The following ADGRA3 variants were observed in gnomAD, a reference collection of about 807,000 sequenced individuals.
ADGRA3 encodes adhesion G protein-coupled receptor A3, also known as G-protein coupled receptor 125.
A neutral mutation model predicts 119.8 loss-of-function variants in ADGRA3; 56 were observed. That is an observed-to-expected ratio of 0.47 (90% CI 0.38 to 0.58). The LOEUF is 0.58. ADGRA3 is among the 20% of genes least tolerant of loss of function. The pLI is 0.00. For synonymous variants in ADGRA3, 607 were observed against 623.8 expected (o/e 0.97, Z 0.40); for missense variants, 1,516 against 1,649.0 (o/e 0.92, Z 1.40).
At chr4:22,459,483 A>AG (rs1435673718) in intron 3 of ADGRA3, among the ~76,000 whole-genome samples, 1 of 152,122 alleles carries the variant, frequency 6.6e-6, no homozygotes, top group Non-Finnish European at 1.5e-5. Context: ...AAAAAAAAAA[A>AG]TAAAGAAATA....
Position 22,388,896 on chromosome 4 carries a change from G to A in ADGRA3, c.2775C>T (p.Ser925=), listed in dbSNP as rs1713974062. The change falls in exon 19 of 19, where the codon AGC becomes AGT. Residue 925 remains serine (S), a synonymous_variant. Transcript: ENST00000334304. ...PSLGAFYGPA[S]FITFVNCMYF... is the part of the protein sequence containing the mutation. ...ACATGCAGTTTACAAAAGTGATGAA[G>A]CTGGCTGGCCCATAGAAGGCTCCCA... 6.2e-7 allele frequency: 1 copy of A among 1,614,102 alleles called. No homozygotes were observed. The highest frequency in any genetic ancestry group is 8.5e-7 in the Non-Finnish European group (1 of 1,179,974).
At chr4:22,448,605 G>A (rs182208389) in intron 4 of ADGRA3, among the ~76,000 whole-genome samples, 1 of 152,176 alleles carries the variant, frequency 6.6e-6, no homozygotes, top group Non-Finnish European at 1.5e-5. Context: ...AGTGGAGTTG[G>A]AGAAGAGAAC....
At chr4:22,472,427 T>C (rs1490423974) in intron 2 of ADGRA3, among the ~76,000 whole-genome samples, 1 of 152,104 alleles carries the variant, frequency 6.6e-6, no homozygotes, top group African/African-American at 2.4e-5. Flanking sequence ...AAGCCAAGGG[T>C]GTGATCAGCA....
intron 11 of ADGRA3, among the ~76,000 whole-genome samples, chr4:22,421,730 A>T (rs1251436878): frequency 1.3e-5 from 2 of 151,988 alleles, no homozygotes; most frequent in African/African-American, 4.8e-5. Flanking sequence ...AATACAAAAA[A>T]TTAGCCTGGC....
At chr4:22,396,166 T>A (rs2108999211) in intron 16 of ADGRA3, among the ~76,000 whole-genome samples, 1 of 152,236 alleles carries the variant, frequency 6.6e-6, no homozygotes, top group Middle Eastern at 3.4e-3. Flanking sequence ...ACTTCGTCAC[T>A]CAACTTCTTA....
chr4:22,482,247 T>C (rs186872304), intron 1 of ADGRA3, among the ~76,000 whole-genome samples: 1 of 152,238 alleles, frequency 6.6e-6, no homozygotes, highest in East Asian at 1.9e-4. Flanking sequence ...ATACATAAAG[T>C]ATAAAAATCT....
chr4:22,439,673 T>G (rs185937591), intron 7 of ADGRA3, among the ~76,000 whole-genome samples: 212 of 152,326 alleles, frequency 1.4e-3, no homozygotes, highest in African/African-American at 4.9e-3. Flanking sequence ...TAATTAATAT[T>G]TTTAAAATAG....
At position 22,387,840 on chromosome 4, in the gene ADGRA3, C is replaced by T; in HGVS notation, c.3831G>A (p.Gln1277=). ...CCAAGTTGAGGCCATAAGATTTTTGCTGATTTTCAAGTTCAACCACAGCTG... is the reference window on the plus strand; with the variant it reads ...CCAAGTTGAGGCCATAAGATTTTTGTTGATTTTCAAGTTCAACCACAGCTG... ...RKPAVVELEN[Q]QKSYGLNLAI... The change falls in exon 19 of 19, where the codon CAG becomes CAA. Residue 1277 remains glutamine (Q), a synonymous_variant. Coordinates refer to ENST00000334304, the MANE Select transcript of ADGRA3 (RefSeq NM_145290.4). 6.2e-7 allele frequency: 1 copy of T among 1,614,110 alleles called. No homozygotes were observed. Among genetic ancestry groups the T allele is most frequent in the African/African-American group, 1.3e-5 (1 of 75,038 alleles).
chr4:22,420,614 G>C (rs1264457814), intron 12 of ADGRA3: 3 of 523,970 alleles, frequency 5.7e-6, no homozygotes, highest in Non-Finnish European at 1.0e-5. Flanking sequence ...TGTAACAATA[G>C]TATATTTGCA....
intron 3 of ADGRA3, among the ~76,000 whole-genome samples, chr4:22,458,619 C>CTGA (rs1271775236): frequency 6.6e-6 from 1 of 152,124 alleles, no homozygotes; most frequent in Non-Finnish European, 1.5e-5. Context: ...TGACACCGAT[C>CTGA]ACCACCTTAT....
intron 10 of ADGRA3, among the ~76,000 whole-genome samples, chr4:22,426,256 T>G (rs750195018): frequency 3.3e-5 from 5 of 152,198 alleles, no homozygotes; most frequent in Non-Finnish European, 7.3e-5. Context: ...TCTCCCCAGC[T>G]TGATCCTATT....
intron 16 of ADGRA3, among the ~76,000 whole-genome samples, chr4:22,397,422 C>T (rs75036629): frequency 0.013 from 1,973 of 152,104 alleles, 82 homozygotes; most frequent in East Asian, 0.091. Flanking sequence ...CCTCGTGATC[C>T]GCCTGCCTCA....
At chr4:22,395,085 T>A (rs537338913) in intron 16 of ADGRA3, among the ~76,000 whole-genome samples, 1 of 152,342 alleles carries the variant, frequency 6.6e-6, no homozygotes, top group East Asian at 1.9e-4. Flanking sequence ...CTGTAAATTA[T>A]CTAGAAGTAA....
intron 16 of ADGRA3, among the ~76,000 whole-genome samples, chr4:22,397,001 G>A (rs921704307): frequency 6.6e-6 from 1 of 151,996 alleles, no homozygotes; most frequent in Non-Finnish European, 1.5e-5. Context: ...TTGCCACTGT[G>A]TGCTGAGTAC....
intron 3 of ADGRA3, among the ~76,000 whole-genome samples, chr4:22,455,281 C>T (rs552586181): frequency 8.5e-5 from 13 of 152,258 alleles, no homozygotes; most frequent in African/African-American, 3.1e-4. Context: ...ATGACCTACA[C>T]AGTTAATTAT....
chr4:22,433,411 G>C (rs1716263332), intron 10 of ADGRA3, among the ~76,000 whole-genome samples: 1 of 152,130 alleles, frequency 6.6e-6, no homozygotes, highest in African/African-American at 2.4e-5. Flanking sequence ...GCCTGTATTT[G>C]TGCACATACA....
intron 5 of ADGRA3, among the ~76,000 whole-genome samples, chr4:22,446,061 C>G (rs1319925946): frequency 6.6e-6 from 1 of 152,126 alleles, no homozygotes; most frequent in African/African-American, 2.4e-5. Flanking sequence ...GCAACATGTT[C>G]TATAAAAATA....
intron 1 of ADGRA3, among the ~76,000 whole-genome samples, chr4:22,496,980 A>C (rs1718851434): frequency 6.6e-6 from 1 of 152,232 alleles, no homozygotes; most frequent in Non-Finnish European, 1.5e-5. Flanking sequence ...CCATTCAAGA[A>C]ATTAACTGGC....
At chr4:22,457,022 C>G (rs1717263051) in intron 3 of ADGRA3, among the ~76,000 whole-genome samples, 1 of 152,138 alleles carries the variant, frequency 6.6e-6, no homozygotes, top group Admixed American at 6.5e-5. Flanking sequence ...ACAAGCATAT[C>G]TAGGCTCTAT....
Sources: gnomAD v4.1 joint callset for allele counts (sites outside exome capture counted in the v4.1 genomes callset) on GRCh38, gnomAD v4.1.1 for gene constraint, MANE v1.5 for transcripts, NCBI Gene and HGNC (gene_info 2026-07-23, HGNC 2026-07-21) for gene names.